Variants in SSB observed in about 807,000 individuals in gnomAD.
SSB encodes lupus La protein.
Under a neutral mutation model 52.9 loss-of-function variants are expected in SSB, and 17 were observed. The ratio of observed to expected loss-of-function variants is 0.32; its 90% CI spans 0.22 to 0.48. The LOEUF is 0.48. SSB is among the 20% of genes least tolerant of loss of function. SSB has a pLI of 0.99. For missense variants in SSB, 314 were observed against 463.6 expected, an observed-to-expected ratio of 0.68 and a Z score of 2.96; for synonymous variants, 111 against 152.1, an observed-to-expected ratio of 0.73 and a Z score of 1.99.
In SSB at chr2:169,803,314, G is replaced by A. The variant is rs114283012; in HGVS notation, c.67-2160G>A. Among the ~76,000 whole-genome samples the A allele has an allele frequency of 7.7e-3, 1,171 of 152,100 alleles. 17 individuals carry two copies. Among genetic ancestry groups the A allele is most frequent in the Non-Finnish European group, 0.013 (873 of 67,992 alleles). ...CTCTTGTCTCCCAGGCTGGAGTGCA[G>A]AGTGCAGTGGCGTGATCTTGGCTCA... On this transcript the variant is annotated intron_variant, in intron 2 of 11. Coordinates refer to ENST00000260956, the MANE Select transcript of SSB (RefSeq NM_003142.5).
chr2:169,811,460 C>T, intron 11 of SSB, 137 bp downstream of exon 11: 1 of 1,286,704 alleles, frequency 7.8e-7, no homozygotes, highest in Non-Finnish European at 1.0e-6. Flanking sequence ...AACGATTTAC[C>T]TCGGTTATGC....
Position 169,800,979 on chromosome 2 carries a change from A to G in SSB, c.19A>G (p.Asn7Asp), listed in dbSNP as rs1438499171. ...AGCCGCAATGGCTGAAAATGGTGATAATGAAAAGATGGCTGCCCTGGAGGC... is the reference window on the plus strand; with the variant it reads ...AGCCGCAATGGCTGAAAATGGTGATGATGAAAAGATGGCTGCCCTGGAGGC... The part of the protein sequence containing the change: MAENGD[N>D]EKMAALEAKI... The change falls in exon 2 of 12, where the codon AAT becomes GAT. Residue 7 changes from asparagine to aspartate, a missense_variant. Physicochemically the swap from Asn to Asp is conservative, Grantham distance 23. Coordinates refer to ENST00000260956, the MANE Select transcript of SSB (RefSeq NM_003142.5). The G allele has an allele frequency of 6.3e-7, 1 of 1,598,462 alleles. No homozygotes were observed.
Position 169,811,310 on chromosome 2 carries a change from A to G in SSB, c.1125A>G (p.Glu375=), listed in dbSNP as rs1242471624. 2.0e-5 allele frequency: 31 copies of G among 1,588,394 alleles called. No individual in the cohort carries two copies. In the Admixed American group the frequency reaches 6.0e-4, roughly 31 times the overall value. Residue 375 remains glutamate, a synonymous_variant, in exon 11 of 12, where the codon GAA becomes GAG. Coordinates refer to ENST00000260956, the MANE Select transcript of SSB (RefSeq NM_003142.5). ...ASDDEHDEHD[E]NGATGPVKRA... The stretch of plus-strand genomic sequence containing the variant: ...ATGATGAACATGATGAACATGATGA[A>G]AATGGTGCAACTGGTAAGTTTTTTT...
At chr2:169,801,324 TTCCC>T (rs1689708453) in intron 2 of SSB, among the ~76,000 whole-genome samples, 1 of 152,124 alleles carries the variant, frequency 6.6e-6, no homozygotes, top group African/African-American at 2.4e-5. Flanking sequence ...ATAATAGTAG[TTCCC>T]TCCTCATAAG....
Position 169,812,036 on chromosome 2 carries a change from A to AAAT in SSB, c.*282_*284dup, listed in dbSNP as rs1162483071. On this transcript the variant is annotated 3_prime_UTR_variant, in exon 12 of 12. Transcript: ENST00000260956. ...ATGTATTAGTACAAACTAACTAATA[A>AAAT]AATATATACTATATGAAAAGAGCAA... 4.3e-6 allele frequency: 3 copies of AAAT among 704,822 alleles called. No homozygotes were observed. Among genetic ancestry groups the AAAT allele is most frequent in the Non-Finnish European group, 7.0e-6 (3 of 430,700 alleles). The allele number at this position is 704,822 out of a possible 1,614,324, so 43.7% of individuals were successfully genotyped here. A position where few individuals can be genotyped will look rare whatever the true frequency, so the allele number is the denominator to read the frequency against.
chr2:169,805,066 G>A (rs1689799858), intron 2 of SSB, among the ~76,000 whole-genome samples: 1 of 152,102 alleles, frequency 6.6e-6, no homozygotes, highest in African/African-American at 2.4e-5. Flanking sequence ...GGAAGCGGAG[G>A]TTGCGGCAAG....
At chr2:169,807,154 C>T (rs537210708) in intron 6 of SSB, 83 bp downstream of exon 6, 2 of 1,064,174 alleles carry the variant, frequency 1.9e-6, no homozygotes, top group East Asian at 2.4e-5. Context: ...GTAGTATCCC[C>T]TGAAAGGCCA....
At chr2:169,808,680 G>C (rs1689879778) in intron 7 of SSB, 127 bp downstream of exon 7, 3 of 1,062,120 alleles carry the variant, frequency 2.8e-6, no homozygotes, top group Admixed American at 4.7e-5. Context: ...GAGATCTTAA[G>C]CTGCCTTGAC....
intron 1 of SSB, chr2:169,799,454 C>T (rs1326153094): frequency 6.6e-6 from 1 of 152,046 alleles, no homozygotes; most frequent in Non-Finnish European, 1.5e-5. Context: ...ACACCAGCGT[C>T]ACTCTTTTGG....
Position 169,808,478 on chromosome 2 carries a change from T to G in SSB, c.555-4T>G, listed in dbSNP as rs1689875295. On this transcript the variant is annotated splice_polypyrimidine_tract_variant and splice_region_variant and intron_variant, in intron 6 of 11. Transcript: ENST00000260956. ...ACTTAGCCTCTGTACTGTGTGTTCT[T>G]TAGGGACGATTACTTTGCCAAAAAA... 1 of 1,612,834 alleles carries G rather than the reference T, an allele frequency of 6.2e-7. No homozygotes were observed. The highest frequency in any genetic ancestry group is 1.7e-5 in the Admixed American group (1 of 59,992).
At chr2:169,800,164 A>C (rs1391366437) in intron 1 of SSB, among the ~76,000 whole-genome samples, 1 of 152,210 alleles carries the variant, frequency 6.6e-6, no homozygotes. Flanking sequence ...AAGGAACTGT[A>C]ACATTTTTCA....
intron 8 of SSB, 114 bp downstream of exon 8, chr2:169,809,016 A>G (rs747072165): frequency 1.2e-6 from 1 of 831,142 alleles, no homozygotes; most frequent in Non-Finnish European, 2.1e-6. Context: ...TATAGTTGTT[A>G]TTGCATTAAG....
intron 4 of SSB, 40 bp downstream of exon 4, chr2:169,805,879 T>C (rs1478583948): frequency 6.4e-7 from 1 of 1,568,482 alleles, no homozygotes; most frequent in East Asian, 2.3e-5. Flanking sequence ...CTTACATTTA[T>C]TTAGAAAGTA....
chr2:169,807,064 C>T lies in SSB; in HGVS notation c.547C>T (p.Leu183Phe), dbSNP rs1253703360. 21 of 1,613,216 alleles carry T rather than the reference C, an allele frequency of 1.3e-5. No homozygotes were observed. The highest frequency in any genetic ancestry group is 1.6e-5 in the Non-Finnish European group (19 of 1,179,606). The change falls in exon 6 of 12, where the codon CTT becomes TTT. Residue 183 changes from leucine to phenylalanine, a missense_variant. Transcript: ENST00000260956. ...QKYKETDLLI[L>F]FKDDYFAKKN... ...GTACAAAGAAACAGACCTGCTAATA[C>T]TTTTCAAGTAAGTCTTTTTGCTGAT...
intron 1 of SSB, among the ~76,000 whole-genome samples, chr2:169,800,042 G>T (rs1370717918): frequency 6.6e-6 from 1 of 152,136 alleles, no homozygotes; most frequent in Admixed American, 6.5e-5. Flanking sequence ...ACAGGAAACT[G>T]GCTATCCAAT....
rs771341444 is a variant in SSB, at chr2:169,805,675, C to T, written c.181C>T (p.Leu61=). The T allele has an allele frequency of 2.5e-5, 41 of 1,613,852 alleles. No homozygotes were observed. Among genetic ancestry groups the T allele is most frequent in the Non-Finnish European group, 3.3e-5 (39 of 1,179,988 alleles). Residue 61 remains leucine (L), a synonymous_variant, in exon 4 of 12, where the codon CTA becomes TTA. Coordinates refer to ENST00000260956, the MANE Select transcript of SSB (RefSeq NM_003142.5). ...IMIKFNRLNR[L]TTDFNVIVEA... is the part of the protein sequence containing the mutation. ...ATATGTACTCTTCAGGTTGAACCGT[C>T]TAACAACAGACTTTAATGTAATTGT...
intron 2 of SSB, among the ~76,000 whole-genome samples, chr2:169,802,791 A>G (rs534153921): frequency 2.6e-5 from 4 of 152,342 alleles, no homozygotes; most frequent in Admixed American, 2.0e-4. Context: ...CTTTTAAAAC[A>G]TCCCCCACCA....
At chr2:169,801,742 C>G (rs1039364453) in intron 2 of SSB, among the ~76,000 whole-genome samples, 13 of 152,048 alleles carry the variant, frequency 8.5e-5, no homozygotes, top group African/African-American at 2.7e-4. Context: ...CCATGTTGGC[C>G]AGGCTGGTCT....
intron 1 of SSB, chr2:169,799,585 G>A (rs992492595): frequency 6.6e-6 from 1 of 152,146 alleles, no homozygotes; most frequent in Non-Finnish European, 1.5e-5. Flanking sequence ...TCCAAAATTA[G>A]GCCAAATAGG....
Sources: allele counts gnomAD v4.1 joint callset (sites outside exome capture counted in the v4.1 genomes callset), GRCh38; gene constraint gnomAD v4.1.1; transcripts MANE v1.5; gene names NCBI Gene and HGNC (gene_info 2026-07-23, HGNC 2026-07-21).